The following GOLGA4 variants were observed in gnomAD, a reference collection of about 807,000 sequenced individuals.
GOLGA4 encodes the protein golgin subfamily A member 4.
Under a neutral mutation model 265.9 loss-of-function variants are expected in GOLGA4, and 169 were observed. The ratio of observed to expected loss-of-function variants is 0.64; its 90% CI spans 0.56 to 0.72. GOLGA4 has a LOEUF of 0.72. Among genes scored for constraint, GOLGA4 ranks in the 30% least tolerant of loss-of-function variants. GOLGA4 has a pLI of 0.00. For missense variants in GOLGA4, 2,482 were observed against 2,483.4 expected (o/e 1.00, Z 0.01); for synonymous variants, 923 against 855.8 (o/e 1.08, Z -1.37).
chr3:37,263,768 A>G (rs956153893), intron 2 of GOLGA4, among the ~76,000 whole-genome samples: 1 of 152,216 alleles, frequency 6.6e-6, no homozygotes, highest in South Asian at 2.1e-4. Flanking sequence ...AGAGTTTCAA[A>G]TAGTCTTCAT....
chr3:37,330,844 A>G (rs528635334), intron 16 of GOLGA4, among the ~76,000 whole-genome samples: 18 of 152,282 alleles, frequency 1.2e-4, no homozygotes, highest in African/African-American at 4.1e-4. Context: ...CCTGGCCAAC[A>G]TGGTGAAACT....
intron 5 of GOLGA4, among the ~76,000 whole-genome samples, chr3:37,293,250 G>A (rs985354087): frequency 6.6e-6 from 1 of 152,148 alleles, no homozygotes; most frequent in African/African-American, 2.4e-5. Context: ...GGCTTTGAAT[G>A]TGGCCCAGCA....
chr3:37,288,213 T>C (rs1312077726), intron 4 of GOLGA4, among the ~76,000 whole-genome samples: 2 of 150,100 alleles, frequency 1.3e-5, no homozygotes, highest in Non-Finnish European at 3.0e-5. Context: ...GCGATTCTCC[T>C]GCCTCAGCCT....
intron 15 of GOLGA4, among the ~76,000 whole-genome samples, chr3:37,328,760 T>C (rs1280373994): frequency 1.3e-5 from 2 of 152,144 alleles, no homozygotes; most frequent in Non-Finnish European, 2.9e-5. Flanking sequence ...GCTAATTAAT[T>C]ACCTTGTAAA....
At position 37,243,403 on chromosome 3, in the gene GOLGA4, C is replaced by T. The variant is rs1267984586; in HGVS notation, c.-148C>T. 2.9e-6 allele frequency: 2 copies of T among 693,750 alleles called. No individual in the cohort carries two copies. Among genetic ancestry groups the T allele is most frequent in the East Asian group, 2.8e-5 (1 of 35,468 alleles). 43.0% of individuals were successfully genotyped at this position (693,750 alleles called of 1,614,324 possible). A position where few individuals can be genotyped will look rare whatever the true frequency, so the allele number is the denominator to read the frequency against. On this transcript the variant is annotated 5_prime_UTR_variant, in exon 1 of 24. Coordinates refer to ENST00000361924, the MANE Select transcript of GOLGA4 (RefSeq NM_002078.5). The stretch of plus-strand genomic sequence containing the variant: ...GACACCCTCAGGACGAGTGTCCGGA[C>T]TTGCCCACAGCCTCAAGGAGGAGAC...
At chr3:37,292,446 G>A (rs2096867267) in intron 5 of GOLGA4, among the ~76,000 whole-genome samples, 2 of 152,186 alleles carry the variant, frequency 1.3e-5, no homozygotes, top group African/African-American at 4.8e-5. Flanking sequence ...CCAGCACTTT[G>A]GGAGGCTGAG....
chr3:37,288,672 G>A (rs1340672256), intron 4 of GOLGA4, among the ~76,000 whole-genome samples: 1 of 150,886 alleles, frequency 6.6e-6, no homozygotes, highest in Non-Finnish European at 1.5e-5. Context: ...TAGAGAAGGG[G>A]TTTCACCATA....
intron 5 of GOLGA4, among the ~76,000 whole-genome samples, chr3:37,292,963 G>A (rs2096868789): frequency 6.6e-6 from 1 of 152,222 alleles, no homozygotes. Flanking sequence ...GCAGAATAGA[G>A]GACACTTATG....
At chr3:37,273,358 TTACCA>T (rs1396117614) in intron 2 of GOLGA4, among the ~76,000 whole-genome samples, 1 of 152,240 alleles carries the variant, frequency 6.6e-6, no homozygotes, top group Non-Finnish European at 1.5e-5. Flanking sequence ...TCTAAAATAC[TTACCA>T]TACTACAATA....
chr3:37,325,026 G>A lies in GOLGA4; in HGVS notation c.3140G>A (p.Trp1047Ter), dbSNP rs199892522. The change falls in exon 14 of 24, where the codon TGG becomes TAG. Residue 1047 changes from tryptophan to a stop codon, truncating the protein, a stop_gained. Transcript: ENST00000361924. LOFTEE classifies it high-confidence loss of function. ...GAACTCAATGATGTCATATCAATCT[G>A]GGAAAAGAAACTTAATCAGCAAGCT... Reference protein sequence around the residue: ...RRELNDVISIWEKKLNQQAEE... With the variant: ...RRELNDVISI 1.2e-6 allele frequency: 2 copies of A among 1,612,550 alleles called. No homozygotes were observed. The highest frequency in any genetic ancestry group is 2.7e-5 in the African/African-American group (2 of 74,866).
rs1212703526 is a variant in GOLGA4, at chr3:37,326,040, A to G, written c.4154A>G (p.Asn1385Ser). 5 of 1,613,340 alleles carry G rather than the reference A, an allele frequency of 3.1e-6. No homozygotes were observed. The Admixed American group carries it at 5.0e-5, about 16-fold the overall frequency. The change falls in exon 14 of 24, where the codon AAT becomes AGT. Residue 1385 changes from asparagine (N) to serine (S), a missense_variant. Asn to Ser is a conservative substitution (Grantham distance 46, BLOSUM62 1). Around this residue, in one of 3 missense-constraint regions of GOLGA4, gnomAD observed 942 missense variants for 983.1 expected, o/e 0.96. Transcript: ENST00000361924. ...ACTGATTTGAATGTTCAGCTTCAAA[A>G]TAGCATCAGCCTATCCGAAAAAGAA... ...QLTDLNVQLQ[N>S]SISLSEKEAA...
intron 10 of GOLGA4, among the ~76,000 whole-genome samples, chr3:37,303,714 T>C (rs891227745): frequency 6.6e-6 from 1 of 152,208 alleles, no homozygotes; most frequent in African/African-American, 2.4e-5. Context: ...GATTAAGTTT[T>C]ACAGTAGTAG....
At chr3:37,289,211 CTT>C in intron 4 of GOLGA4, 22 bp from the exon 5 acceptor site, 1 of 1,441,832 alleles carries the variant, frequency 6.9e-7, no homozygotes, top group Non-Finnish European at 9.6e-7. Context: ...GTTTAACCAG[CTT>C]TTTTTTCTCT....
chr3:37,299,318 A>T lies in GOLGA4; in HGVS notation c.1033A>T (p.Ile345Phe), dbSNP rs2096886928. ...TCATATGGCCGAGAAGACTAAACTT[A>T]TCACTCAGTTGCGTGATGCAAAGAA... Reference protein sequence around the residue: ...DLHMAEKTKLITQLRDAKNLI... With the variant: ...DLHMAEKTKLFTQLRDAKNLI... Residue 345 changes from isoleucine (I) to phenylalanine (F), a missense_variant, in exon 9 of 24, where the codon ATC (isoleucine) becomes TTC (phenylalanine). This residue lies in a region of GOLGA4 where 1,536 missense variants were observed against 1,483.7 expected (regional missense o/e 1.04). Transcript: ENST00000361924. 6.2e-7 allele frequency: 1 copy of T among 1,613,372 alleles called. No individual in the cohort carries two copies. Among genetic ancestry groups the T allele is most frequent in the Non-Finnish European group, 8.5e-7 (1 of 1,179,348 alleles).
chr3:37,294,374 C>A (rs889565053), intron 5 of GOLGA4, among the ~76,000 whole-genome samples: 1 of 145,594 alleles, frequency 6.9e-6, no homozygotes, highest in Non-Finnish European at 1.5e-5. Flanking sequence ...TTTCTTTTAT[C>A]TTAAGTAATT....
chr3:37,336,717 C>T (rs895111451), intron 17 of GOLGA4, among the ~76,000 whole-genome samples: 7 of 151,212 alleles, frequency 4.6e-5, no homozygotes, highest in Admixed American at 1.3e-4. Flanking sequence ...TGCAGTGAGC[C>T]GAGATCGTGC....
rs536415761 is a variant in GOLGA4, at chr3:37,293,933, G to A, written c.583-1046G>A. Among the ~76,000 whole-genome samples, 3 of 152,318 alleles carry A rather than the reference G, an allele frequency of 2.0e-5. 1 individual carries two copies. Among genetic ancestry groups the A allele is most frequent in the South Asian group, 4.1e-4 (2 of 4,826 alleles). ...GTTACTGTACTGAACTCTGTAGACA[G>A]TTGTAACACAATGGTAAGTATTTGC... On this transcript the variant is annotated intron_variant, in intron 5 of 23. Transcript: ENST00000361924.
intron 2 of GOLGA4, among the ~76,000 whole-genome samples, chr3:37,265,056 C>CATTGGTAAT (rs2150686671): frequency 6.6e-6 from 1 of 152,124 alleles, no homozygotes; most frequent in East Asian, 1.9e-4. Context: ...AGGAAACTGA[C>CATTGGTAAT]ATTGGTAATC....
intron 1 of GOLGA4, chr3:37,243,842 G>A: frequency 1.8e-6 from 1 of 571,000 alleles, no homozygotes; most frequent in Non-Finnish European, 3.1e-6. Flanking sequence ...GTCAATGAGT[G>A]GATGGGGGTG....
Sources: gnomAD v4.1 joint callset for allele counts (sites outside exome capture counted in the v4.1 genomes callset) on GRCh38, gnomAD v4.1.1 for gene constraint, gnomAD v4.1.1 regional missense constraint, MANE v1.5 for transcripts, NCBI Gene and HGNC (gene_info 2026-07-23, HGNC 2026-07-21) for gene names.